AQR: variants seen among roughly 807,000 people sequenced by gnomAD.
AQR encodes the protein aquarius intron-binding spliceosomal factor.
A neutral mutation model predicts 180.5 loss-of-function variants in AQR; 61 were observed. The observed-to-expected ratio is 0.34, with a 90% confidence interval of 0.28 to 0.42. The LOEUF (loss-of-function observed/expected upper bound fraction) is 0.42, where lower values mean the gene tolerates loss of function less well. Ranked by LOEUF, AQR falls within the 10% of genes least tolerant of loss-of-function variation. AQR has a pLI of 1.00. For synonymous variants in AQR, 551 were observed against 588.8 expected (o/e 0.94, Z 0.93); for missense variants, 1,281 against 1,798.3 (o/e 0.71, Z 5.20).
At chr15:34,890,355 C>T (rs765784663) in intron 23 of AQR, 31 bp from the exon 24 acceptor site, 1 of 1,568,718 alleles carries the variant, frequency 6.4e-7, no homozygotes, top group South Asian at 1.2e-5. Context: ...GGTGACGGCA[C>T]CTTTAAACGT....
At chr15:34,907,664 C>A (rs920681806) in intron 17 of AQR, among the ~76,000 whole-genome samples, 1 of 152,198 alleles carries the variant, frequency 6.6e-6, no homozygotes, top group African/African-American at 2.4e-5. Flanking sequence ...ATAATACTGA[C>A]TTAATTATTT....
intron 15 of AQR, among the ~76,000 whole-genome samples, chr15:34,916,488 A>C (rs930814453): frequency 1.3e-5 from 2 of 152,160 alleles, no homozygotes; most frequent in African/African-American, 4.8e-5. Flanking sequence ...ATGTACAAAA[A>C]TTTAACATTA....
intron 27 of AQR, 37 bp from the exon 28 acceptor site, chr15:34,876,043 A>G (rs1435368182): frequency 9.5e-6 from 14 of 1,478,644 alleles, no homozygotes; most frequent in Admixed American, 1.7e-5. Context: ...AGACAGCTTA[A>G]AAGTCAAACA....
At chr15:34,881,714 T>A (rs1280618390) in intron 27 of AQR, among the ~76,000 whole-genome samples, 1 of 152,232 alleles carries the variant, frequency 6.6e-6, no homozygotes, top group Non-Finnish European at 1.5e-5. Context: ...TTTCATTTGC[T>A]AAGTACACAA....
At position 34,897,422 on chromosome 15, in the gene AQR, G is replaced by C. The variant is rs557432653; in HGVS notation, c.2390+137C>G. On this transcript the variant is annotated intron_variant, in intron 21 of 34. Coordinates refer to ENST00000156471, the MANE Select transcript of AQR (RefSeq NM_014691.3). ...ATGTCAGTTATTCAGCTGACTGACA[G>C]AATAGAAAGAAAGAGGGTTCAGAAA... is the stretch of plus-strand genomic sequence containing the variant. 25 of 984,730 alleles carry C rather than the reference G, an allele frequency of 2.5e-5. 1 individual carries two copies. In the African/African-American group the frequency reaches 4.1e-4, roughly 16 times the overall value. The allele number at this position is 984,730 out of a possible 1,614,324, so 61.0% of individuals were successfully genotyped here.
rs1735101181 is a variant in AQR at position 34,862,916 on chromosome 15, G to A, written c.3980C>T (p.Pro1327Leu). The A allele has an allele frequency of 5.0e-6, 8 of 1,613,820 alleles. No homozygotes were observed. Among genetic ancestry groups the A allele is most frequent in the African/African-American group, 1.3e-5 (1 of 74,988 alleles). The change falls in exon 33 of 35, where the codon CCC becomes CTC. Residue 1327 changes from proline to leucine, a missense_variant. Coordinates refer to ENST00000156471, the MANE Select transcript of AQR (RefSeq NM_014691.3). ...TGTTGGAATTATATGCAAATGAAGG[G>A]GGCGAGCTGTGAGCTGACTGAAAGC... ...TPAFSQLTAR[P>L]LHLHIIPTEP... is the part of the protein sequence containing the mutation.
At chr15:34,955,627 G>A (rs776332401) in intron 3 of AQR, among the ~76,000 whole-genome samples, 20 of 152,062 alleles carry the variant, frequency 1.3e-4, no homozygotes, top group South Asian at 4.2e-4. Flanking sequence ...AGCCAGCTAC[G>A]CCAGGCACAG....
chr15:34,865,401 A>G (rs1391526612), intron 32 of AQR, among the ~76,000 whole-genome samples: 1 of 152,182 alleles, frequency 6.6e-6, no homozygotes, highest in Non-Finnish European at 1.5e-5. Flanking sequence ...GGCCTCTGGA[A>G]CTGAAGCTGG....
In AQR at chr15:34,896,906, C is replaced by T. The variant is rs1394602705; in HGVS notation, c.2451G>A (p.Gly817=). The T allele has an allele frequency of 8.7e-6, 14 of 1,611,280 alleles. No homozygotes were observed. Among genetic ancestry groups the T allele is most frequent in the Non-Finnish European group, 1.2e-5 (14 of 1,177,528 alleles). Residue 817 remains glycine, a synonymous_variant, in exon 22 of 35, where the codon GGG becomes GGA. Transcript: ENST00000156471. ...IEAIRAGMQP[G]LTMVVGPPGT... Reference sequence around the variant, plus strand: ...GTAACAATTCTCTTACCATAGTCAGCCCAGGCTGCATTCCAGCACGGATGG... The same window carrying T: ...GTAACAATTCTCTTACCATAGTCAGTCCAGGCTGCATTCCAGCACGGATGG...
At chr15:34,908,973 G>A (rs190014299) in intron 17 of AQR, among the ~76,000 whole-genome samples, 22 of 152,056 alleles carry the variant, frequency 1.4e-4, no homozygotes, top group Non-Finnish European at 2.8e-4. Flanking sequence ...TAATAAAGGT[G>A]CACATTAGTC....
rs373925362 is a variant in AQR, at chr15:34,964,461, C to G, written c.76-171G>C. 28 of 698,840 alleles carry G rather than the reference C, an allele frequency of 4.0e-5. 2 individuals carry two copies. Among genetic ancestry groups the G allele is most frequent in the East Asian group, 8.3e-5 (3 of 36,014 alleles). 43.3% of individuals were successfully genotyped at this position (698,840 alleles called of 1,614,324 possible). On this transcript the variant is annotated intron_variant, in intron 1 of 34. Transcript: ENST00000156471. ...TGCAGGCCAGTTGGCATCCTTGACC[C>G]CAAACCACTAAATGCCAGTAGTGCT...
At chr15:34,884,846 A>G in intron 25 of AQR, 112 bp from the exon 26 acceptor site, 4 of 789,006 alleles carry the variant, frequency 5.1e-6, no homozygotes, top group Non-Finnish European at 7.9e-6. Flanking sequence ...AAAAAAAAAG[A>G]AATTCAATCT....
At chr15:34,919,733 A>G (rs987129809) in intron 14 of AQR, among the ~76,000 whole-genome samples, 2 of 151,940 alleles carry the variant, frequency 1.3e-5, no homozygotes, top group Admixed American at 6.6e-5. Context: ...TCTATCTTCT[A>G]CTCAAAATAC....
chr15:34,943,095 A>G lies in AQR; in HGVS notation c.472-1015T>C, dbSNP rs189488576. The G allele has an allele frequency of 3.5e-5, 56 of 1,611,784 alleles. No homozygotes were observed. In the East Asian group the frequency reaches 1.2e-3, roughly 35 times the overall value. On this transcript the variant is annotated intron_variant, in intron 6 of 34. Transcript: ENST00000156471. ...TCACGCAAGCATGGTTAACGTCCCT[A>G]AAACCCGCCGGACTTTCTGTAAGAA...
chr15:34,935,194 C>T (rs1253506846), intron 9 of AQR, among the ~76,000 whole-genome samples: 1 of 152,090 alleles, frequency 6.6e-6, no homozygotes, highest in Non-Finnish European at 1.5e-5. Flanking sequence ...AATAAAAATA[C>T]CTTTTAAATC....
rs1256251744 is a variant in AQR, at chr15:34,934,439, G to A, written c.783+132C>T. ...CTTTCTCTCATTAATGTGAGAAATTGAAATATATAATAAATATATACATAT... is the reference window on the plus strand; with the variant it reads ...CTTTCTCTCATTAATGTGAGAAATTAAAATATATAATAAATATATACATAT... On this transcript the variant is annotated intron_variant, in intron 10 of 34. Coordinates refer to ENST00000156471, the MANE Select transcript of AQR (RefSeq NM_014691.3). 5 of 381,016 alleles carry A rather than the reference G, an allele frequency of 1.3e-5. No individual in the cohort carries two copies. In the South Asian group the frequency reaches 1.9e-4, roughly 15 times the overall value. 23.6% of individuals were successfully genotyped at this position (381,016 alleles called of 1,614,324 possible).
rs1595778646 is a variant in AQR, at chr15:34,860,046, T to C, written c.4139A>G (p.His1380Arg). 2 of 1,368,620 alleles carry C rather than the reference T, an allele frequency of 1.5e-6. No homozygotes were observed. Among genetic ancestry groups the C allele is most frequent in the African/African-American group, 1.5e-5 (1 of 67,594 alleles). The allele number at this position is 1,368,620 out of a possible 1,614,324, so 84.8% of individuals were successfully genotyped here. A position where few individuals can be genotyped will look rare whatever the true frequency, so the allele number is the denominator to read the frequency against. Reference protein sequence around the residue: ...MHLIQTTHHYHQTLLQLPPAM... With the variant: ...MHLIQTTHHYRQTLLQLPPAM... ...AGTCGATTTTGAGAAACTCACCTGA[T>C]GATAATGATGTGTAGTCTGTATCAA... Residue 1380 changes from histidine to arginine, a missense_variant, in exon 34 of 35, where the codon CAT becomes CGT. By Grantham distance (29) the His-to-Arg change is conservative. Around this residue, in one of 9 missense-constraint regions of AQR, gnomAD observed 182 missense variants for 185.3 expected, o/e 0.98. Coordinates refer to ENST00000156471, the MANE Select transcript of AQR (RefSeq NM_014691.3).
chr15:34,925,055 T>G (rs1345016496), intron 13 of AQR, among the ~76,000 whole-genome samples: 1 of 152,060 alleles, frequency 6.6e-6, no homozygotes, highest in East Asian at 1.9e-4. Flanking sequence ...TTAAAAAATT[T>G]AAAATATCTG....
intron 25 of AQR, among the ~76,000 whole-genome samples, chr15:34,886,154 T>G (rs1893056360): frequency 6.6e-6 from 1 of 152,200 alleles, no homozygotes; most frequent in South Asian, 2.1e-4. Flanking sequence ...CCTTCATTAG[T>G]TGATTAATGT....
Sources: allele counts gnomAD v4.1 joint callset (sites outside exome capture counted in the v4.1 genomes callset), GRCh38; gene constraint gnomAD v4.1.1; regional missense constraint gnomAD v4.1.1; transcripts MANE v1.5; gene names NCBI Gene and HGNC (gene_info 2026-07-23, HGNC 2026-07-21).